The following PITPNB variants were observed in gnomAD, a reference collection of about 807,000 sequenced individuals.
PITPNB encodes the protein phosphatidylinositol transfer protein beta, also known as phosphatidylinositol transfer protein beta isoform.
In PITPNB, 16 loss-of-function variants were observed where a neutral mutation model predicts 45.9. That is an observed-to-expected ratio of 0.35 (90% CI 0.24 to 0.53). The LOEUF is 0.53. PITPNB is among the 20% of genes least tolerant of loss of function. The pLI is 0.93. For missense variants in PITPNB, 188 were observed against 330.5 expected (o/e 0.57, Z 3.34); for synonymous variants, 112 against 108.9 (o/e 1.03, Z -0.18).
At chr22:27,902,294 G>A (rs562980296) in intron 3 of PITPNB, among the ~76,000 whole-genome samples, 4 of 152,246 alleles carry the variant, frequency 2.6e-5, no homozygotes, top group African/African-American at 9.6e-5. Context: ...ACGTGCTTGA[G>A]CCACTCTTAG....
intron 8 of PITPNB, among the ~76,000 whole-genome samples, chr22:27,871,384 C>T (rs1264604438): frequency 6.6e-6 from 1 of 152,156 alleles, no homozygotes; most frequent in East Asian, 1.9e-4. Context: ...CAAGAAAATA[C>T]AATATTTAAT....
chr22:27,863,047 A>G (rs749817058), intron 8 of PITPNB, among the ~76,000 whole-genome samples: 13 of 152,216 alleles, frequency 8.5e-5, no homozygotes, highest in Non-Finnish European at 1.5e-4. Flanking sequence ...TCAATAAACA[A>G]TGAGCCAATG....
chr22:27,916,540 G>A (rs35182834), intron 1 of PITPNB, among the ~76,000 whole-genome samples: 5,403 of 152,220 alleles, frequency 0.035, 148 homozygotes, highest in South Asian at 0.052. Flanking sequence ...GGCCAGGTGC[G>A]GTGACTCACA....
chr22:27,886,511 C>G (rs967729127), intron 7 of PITPNB, among the ~76,000 whole-genome samples: 2 of 152,184 alleles, frequency 1.3e-5, no homozygotes, highest in Non-Finnish European at 2.9e-5. Flanking sequence ...AGCATCCACT[C>G]AAGTATTCAG....
At chr22:27,918,529 A>G (rs1325955201) in intron 1 of PITPNB, among the ~76,000 whole-genome samples, 3 of 152,230 alleles carry the variant, frequency 2.0e-5, no homozygotes, top group African/African-American at 7.2e-5. Context: ...TTAACTTCTA[A>G]GAAAGTAGGT....
intron 3 of PITPNB, among the ~76,000 whole-genome samples, chr22:27,908,626 G>A (rs555191589): frequency 5.3e-5 from 8 of 151,996 alleles, no homozygotes; most frequent in South Asian, 2.1e-4. Flanking sequence ...ATATGTGGTG[G>A]GGTATACTTC....
intron 3 of PITPNB, among the ~76,000 whole-genome samples, chr22:27,909,047 C>A (rs1935842697): frequency 6.6e-6 from 1 of 152,062 alleles, no homozygotes; most frequent in African/African-American, 2.4e-5. Context: ...ATGACAGCTA[C>A]AACTTTAAGG....
At position 27,918,688 on chromosome 22, in the gene PITPNB, CGA is replaced by C. The variant is rs370717437; in HGVS notation, c.20+482_20+483del. ...ACTTCAAGGCGCCAGCGTCCCACCG[CGA>C]GTCCTGACACGAGGGCTGCCTTCAA... is the stretch of plus-strand genomic sequence containing the variant. On this transcript the variant is annotated intron_variant, in intron 1 of 11. Coordinates refer to ENST00000335272, the MANE Select transcript of PITPNB (RefSeq NM_012399.5). Among the ~76,000 whole-genome samples the C allele has an allele frequency of 4.3e-4, 65 of 152,354 alleles. 1 individual carries two copies. The East Asian group carries it at 0.011, about 26-fold the overall frequency.
At chr22:27,860,058 A>G in intron 9 of PITPNB, 73 bp downstream of exon 9, 4 of 821,384 alleles carry the variant, frequency 4.9e-6, no homozygotes, top group Non-Finnish European at 8.3e-6. Flanking sequence ...GTAATAACAG[A>G]GAAGATATCC....
chr22:27,855,714 A>C (rs1276362644), intron 10 of PITPNB, among the ~76,000 whole-genome samples: 1 of 152,250 alleles, frequency 6.6e-6, no homozygotes, highest in Non-Finnish European at 1.5e-5. Context: ...AGTTCCCTGC[A>C]GATCATAGGC....
chr22:27,905,810 T>C (rs961388363), intron 3 of PITPNB, among the ~76,000 whole-genome samples: 1 of 152,094 alleles, frequency 6.6e-6, no homozygotes, highest in African/African-American at 2.4e-5. Flanking sequence ...GCAAATAAAC[T>C]AGCAAAAAGG....
In PITPNB at chr22:27,897,130, C is replaced by A; in HGVS notation, c.297G>T (p.Thr99=). The A allele has an allele frequency of 6.4e-7, 1 of 1,570,050 alleles. No individual in the cohort carries two copies. Among genetic ancestry groups the A allele is most frequent in the Non-Finnish European group, 8.8e-7 (1 of 1,139,888 alleles). ...NAYPYCRTIV[T]NEYMKDDFFI... ...GAGACACAAAAATAGTTTTACTCAC[C>A]GTTACAACTGAGGCATAATGGAGAG... The change falls in exon 5 of 12, where the codon ACG becomes ACT. Residue 99 remains threonine (T), a splice_region_variant and synonymous_variant. Coordinates refer to ENST00000335272, the MANE Select transcript of PITPNB (RefSeq NM_012399.5).
intron 1 of PITPNB, among the ~76,000 whole-genome samples, chr22:27,914,986 T>C (rs1368937163): frequency 6.6e-6 from 1 of 152,250 alleles, no homozygotes; most frequent in East Asian, 1.9e-4. Context: ...TCTTATTGTA[T>C]ATACCAAAAA....
chr22:27,877,414 C>A (rs1163449675), intron 7 of PITPNB, among the ~76,000 whole-genome samples: 1 of 152,130 alleles, frequency 6.6e-6, no homozygotes, highest in Non-Finnish European at 1.5e-5. Context: ...GGCAGGATAG[C>A]CTTCGGAGAA....
At chr22:27,888,723 AG>A (rs1229464606) in intron 7 of PITPNB, among the ~76,000 whole-genome samples, 1 of 152,216 alleles carries the variant, frequency 6.6e-6, no homozygotes, top group Admixed American at 6.5e-5. Flanking sequence ...TCCCTGGAGG[AG>A]GCAAGCTCCG....
chr22:27,876,335 T>C (rs931492544), intron 7 of PITPNB, among the ~76,000 whole-genome samples: 2 of 152,224 alleles, frequency 1.3e-5, no homozygotes, highest in Admixed American at 6.5e-5. Context: ...CATATACATA[T>C]GTATGTATGA....
At chr22:27,868,713 T>C (rs553532965) in intron 8 of PITPNB, among the ~76,000 whole-genome samples, 12 of 152,210 alleles carry the variant, frequency 7.9e-5, no homozygotes, top group Non-Finnish European at 1.8e-4. Flanking sequence ...ATAAAGATAA[T>C]TTAAAAACCA....
At chr22:27,907,372 G>A (rs1354394505) in intron 3 of PITPNB, among the ~76,000 whole-genome samples, 1 of 152,178 alleles carries the variant, frequency 6.6e-6, no homozygotes, top group Non-Finnish European at 1.5e-5. Flanking sequence ...TAGTTATCCT[G>A]TGGCTGATGT....
At position 27,853,439 on chromosome 22, in the gene PITPNB, T is replaced by C; in HGVS notation, c.*263A>G. ...TTCAGTATGTCTGTATGTACATATATACACAAGTGTGTGTATCTGGATCTG... is the reference window on the plus strand; with the variant it reads ...TTCAGTATGTCTGTATGTACATATACACACAAGTGTGTGTATCTGGATCTG... On this transcript the variant is annotated 3_prime_UTR_variant, in exon 12 of 12. Transcript: ENST00000335272. 2 of 604,808 alleles carry C rather than the reference T, an allele frequency of 3.3e-6. No homozygotes were observed. Among genetic ancestry groups the C allele is most frequent in the Non-Finnish European group, 6.0e-6 (2 of 335,928 alleles). 37.5% of individuals were successfully genotyped at this position (604,808 alleles called of 1,614,324 possible). A position where few individuals can be genotyped will look rare whatever the true frequency, so the allele number is the denominator to read the frequency against.
Sources: gnomAD v4.1 joint callset for allele counts (sites outside exome capture counted in the v4.1 genomes callset) on GRCh38, gnomAD v4.1.1 for gene constraint, MANE v1.5 for transcripts, NCBI Gene and HGNC (gene_info 2026-07-23, HGNC 2026-07-21) for gene names.